PHC1: variants seen among roughly 807,000 people sequenced by gnomAD.
The protein encoded by PHC1 is polyhomeotic-like protein 1.
In PHC1, 12 loss-of-function variants were observed where a neutral mutation model predicts 104.3. That is an observed-to-expected ratio of 0.12 (90% CI 0.07 to 0.19). The LOEUF (loss-of-function observed/expected upper bound fraction) is 0.19. Among genes scored for constraint, PHC1 ranks in the 10% least tolerant of loss-of-function variants. The probability of loss-of-function intolerance (pLI) is 1.00; values close to 1 mark genes in which losing one functional copy is unlikely to be tolerated. For missense variants in PHC1, 671 were observed against 1,200.0 expected, an observed-to-expected ratio of 0.56 and a Z score of 6.51; for synonymous variants, 302 against 455.8, an observed-to-expected ratio of 0.66 and a Z score of 4.30.
Position 8,919,788 on chromosome 12 carries a change from A to C in PHC1, c.147A>C (p.Ala49=). The C allele has an allele frequency of 6.2e-7, 1 of 1,612,810 alleles. No individual in the cohort carries two copies. Among genetic ancestry groups the C allele is most frequent in the Non-Finnish European group, 8.5e-7 (1 of 1,179,714 alleles). The stretch of plus-strand genomic sequence containing the variant: ...AAGCACTGCAGCGGCAGCCCAATGC[A>C]GCTCAGTATTTCCACCAGTTCATGC... ...ALQALQRQPN[A]AQYFHQFMLQ... The change falls in exon 3 of 15, where the codon GCA becomes GCC. Residue 49 remains alanine, a synonymous_variant. Transcript: ENST00000544916. This position sits in a 1 kb window ranked among gnomAD's most constrained non-coding sequence, Gnocchi z 4.9.
chr12:8,934,566 A>G, intron 10 of PHC1, 88 bp downstream of exon 10: 2 of 872,426 alleles, frequency 2.3e-6, no homozygotes, highest in South Asian at 1.7e-5. Context: ...TAAAAGGCAC[A>G]GAACTATTTA....
At chr12:8,923,388 A>G (rs529879354) in intron 6 of PHC1, among the ~76,000 whole-genome samples, 2 of 152,160 alleles carry the variant, frequency 1.3e-5, no homozygotes, top group Non-Finnish European at 2.9e-5. Context: ...TAATTATTTC[A>G]TCCTTTTAGT....
At chr12:8,921,560 C>T in intron 4 of PHC1, 41 bp from the exon 5 acceptor site, 5 of 1,602,698 alleles carry the variant, frequency 3.1e-6, no homozygotes, top group Non-Finnish European at 4.3e-6. Flanking sequence ...CCTTTTACTT[C>T]TCCCAAATCC....
chr12:8,927,853 TTTTCTTTCTTTCTTTCTTTCTTTCTTTC>T (rs71045227), intron 6 of PHC1, among the ~76,000 whole-genome samples: 15 of 110,882 alleles, frequency 1.4e-4, no homozygotes, highest in African/African-American at 4.1e-4. Context: ...ACTGTACTAG[TTTTCTTTCTTTCTTTCTTTCTTTCTTTC>T]TTTCTTTCTT....
At chr12:8,924,995 T>C (rs1945477011) in intron 6 of PHC1, among the ~76,000 whole-genome samples, 1 of 152,044 alleles carries the variant, frequency 6.6e-6, no homozygotes, top group East Asian at 1.9e-4. Flanking sequence ...GAGCCACGAG[T>C]GAGGTTGGTT....
At chr12:8,936,395 T>C (rs768514732) in intron 11 of PHC1, among the ~76,000 whole-genome samples, 1 of 152,234 alleles carries the variant, frequency 6.6e-6, no homozygotes, top group Non-Finnish European at 1.5e-5. Context: ...AATTTTTTTT[T>C]CCAAAAGATG....
intron 6 of PHC1, among the ~76,000 whole-genome samples, chr12:8,924,572 G>A (rs996696482): frequency 1.4e-4 from 21 of 152,210 alleles, no homozygotes; most frequent in African/African-American, 3.9e-4. Context: ...ATGCCTTATT[G>A]GGATACTTGA....
Position 8,937,241 on chromosome 12 carries a change from C to T in PHC1, c.2543C>T (p.Ala848Val). 1 of 1,613,278 alleles carries T rather than the reference C, an allele frequency of 6.2e-7. No individual in the cohort carries two copies. The highest frequency in any genetic ancestry group is 8.5e-7 in the Non-Finnish European group (1 of 1,179,466). The stretch of plus-strand genomic sequence containing the variant: ...AAAAAAATGAAAGAGTTTCAAGAAG[C>T]CAACTATGCTCGCGTTCGCAGGCGT... ...KRKKMKEFQE[A>V]NYARVRRRGP... The change falls in exon 13 of 15, where the codon GCC becomes GTC. Residue 848 changes from alanine to valine, a missense_variant. By Grantham distance (64) the Ala-to-Val change is moderately conservative. Around this residue, in one of 9 missense-constraint regions of PHC1, gnomAD observed 192 missense variants for 280.5 expected, o/e 0.68. Coordinates refer to ENST00000544916, the MANE Select transcript of PHC1 (RefSeq NM_004426.3).
rs750711259 is a variant in PHC1, at chr12:8,934,409, C to T, written c.2184C>T (p.Ile728=). ...GTGACTCAAAACCCCCACAGGCCAT[C>T]GTGAAGCCCCAGATTCTCACCCACA... ...QMGDSKPPQA[I]VKPQILTHII... is the part of the protein sequence containing the mutation. The change falls in exon 10 of 15, where the codon ATC becomes ATT. Residue 728 remains isoleucine (I), a synonymous_variant. Coordinates refer to ENST00000544916, the MANE Select transcript of PHC1 (RefSeq NM_004426.3). 1.3e-4 allele frequency: 214 copies of T among 1,613,658 alleles called. 3 individuals are homozygous for T. In the South Asian group the frequency reaches 2.1e-3, roughly 16 times the overall value.
intron 6 of PHC1, among the ~76,000 whole-genome samples, chr12:8,925,404 A>G (rs1315875387): frequency 1.3e-5 from 2 of 152,228 alleles, no homozygotes; most frequent in Non-Finnish European, 2.9e-5. Flanking sequence ...AACACCAGAC[A>G]TTAAACTGAT....
chr12:8,930,132 T>A (rs777926704), intron 6 of PHC1, among the ~76,000 whole-genome samples: 1 of 152,240 alleles, frequency 6.6e-6, no homozygotes, highest in African/African-American at 2.4e-5. Flanking sequence ...GCATAGTAGG[T>A]TTTTGGGAGG....
chr12:8,921,172 A>T, intron 4 of PHC1, 107 bp downstream of exon 4: 1 of 769,108 alleles, frequency 1.3e-6, no homozygotes, highest in Non-Finnish European at 2.1e-6. Context: ...CCGTCAGTGG[A>T]TAGTTACTGC....
chr12:8,933,709 C>T lies in PHC1; in HGVS notation c.1894-156C>T, dbSNP rs764978408. On this transcript the variant is annotated intron_variant, in intron 8 of 14. Transcript: ENST00000544916. ...TTTCTTTTGTCCTGATGGAAAGTTA[C>T]TAGGAATGACCAGGAATTTTAGTGT... The T allele has an allele frequency of 2.3e-5, 15 of 663,508 alleles. No individual in the cohort carries two copies. The African/African-American group carries it at 2.5e-4, about 11-fold the overall frequency. The allele number at this position is 663,508 out of a possible 1,614,324, so 41.1% of individuals were successfully genotyped here.
chr12:8,934,673 A>T (rs956910135), intron 10 of PHC1, among the ~76,000 whole-genome samples, 195 bp downstream of exon 10: 1 of 152,194 alleles, frequency 6.6e-6, no homozygotes, highest in Admixed American at 6.5e-5. Flanking sequence ...GGAAGAGGAG[A>T]AAAAAAGGAA....
At chr12:8,922,953 C>CT (rs1290134088) in intron 6 of PHC1, among the ~76,000 whole-genome samples, 165 bp downstream of exon 6, 1 of 152,150 alleles carries the variant, frequency 6.6e-6, no homozygotes, top group Non-Finnish European at 1.5e-5. Flanking sequence ...CCCATATAAC[C>CT]TTTGAGTTAA....
chr12:8,928,539 C>T (rs898398644), intron 6 of PHC1, among the ~76,000 whole-genome samples: 4 of 152,134 alleles, frequency 2.6e-5, no homozygotes, highest in African/African-American at 9.7e-5. Context: ...GTCCATTCTT[C>T]CCTCGGGTCC....
chr12:8,927,888 TC>T (rs1945566413), intron 6 of PHC1, among the ~76,000 whole-genome samples: 3 of 112,640 alleles, frequency 2.7e-5, no homozygotes, highest in African/African-American at 1.2e-4. Context: ...TTTCTTTCTT[TC>T]TTTCTTTCTT....
chr12:8,939,886 A>G lies in PHC1; in HGVS notation c.*427A>G, dbSNP rs894442644. On this transcript the variant is annotated 3_prime_UTR_variant, in exon 15 of 15. Transcript: ENST00000544916. ...CCAATGGGAGAGGTAGGGTTTTTCTAGCTTGTGTGACAGAAGTAGCAAAAT... is the reference window on the plus strand; with the variant it reads ...CCAATGGGAGAGGTAGGGTTTTTCTGGCTTGTGTGACAGAAGTAGCAAAAT... The G allele has an allele frequency of 1.7e-5, 8 of 457,238 alleles. No individual in the cohort carries two copies. The highest frequency in any genetic ancestry group is 4.0e-5 in the African/African-American group (2 of 50,210). 28.3% of individuals were successfully genotyped at this position (457,238 alleles called of 1,614,324 possible). A position where few individuals can be genotyped will look rare whatever the true frequency, so the allele number is the denominator to read the frequency against.
rs754880696 is a variant in PHC1 at position 8,934,276 on chromosome 12, A to C, written c.2051A>C (p.Glu684Ala). Residue 684 changes from glutamate (E) to alanine (A), a missense_variant, in exon 10 of 15, where the codon GAA becomes GCA. Glu to Ala is a moderately radical substitution (Grantham distance 107, BLOSUM62 -1). Coordinates refer to ENST00000544916, the MANE Select transcript of PHC1 (RefSeq NM_004426.3). ...DEKSSLGEKA[E>A]SVANVNANTP... is the part of the protein sequence containing the mutation. Reference sequence around the variant, plus strand: ...TGTGTTTGTTTTCCAGAAAAAGCTGAATCAGTGGCTAATGTGAATGCTAAT... The same window carrying C: ...TGTGTTTGTTTTCCAGAAAAAGCTGCATCAGTGGCTAATGTGAATGCTAAT... 39 of 1,613,112 alleles carry C rather than the reference A, an allele frequency of 2.4e-5. No homozygotes were observed. The highest frequency in any genetic ancestry group is 4.0e-5 in the African/African-American group (3 of 74,856).
Sources: allele counts gnomAD v4.1 joint callset (sites outside exome capture counted in the v4.1 genomes callset), GRCh38; gene constraint gnomAD v4.1.1; regional missense constraint gnomAD v4.1.1; non-coding constraint Gnocchi (gnomAD v3.1); transcripts MANE v1.5; gene names NCBI Gene and HGNC (gene_info 2026-07-23, HGNC 2026-07-21).